The following MALRD1 variants were observed in gnomAD, a reference collection of about 807,000 sequenced individuals.
MALRD1 encodes the protein MAM and LDL-receptor class A domain-containing protein 1.
A neutral mutation model predicts 242.1 loss-of-function variants in MALRD1; 247 were observed. That is an observed-to-expected ratio of 1.02 (90% confidence interval 0.92 to 1.13). MALRD1 has a LOEUF of 1.13. Among genes scored for constraint, MALRD1 ranks in the 50% most tolerant of loss-of-function variants. The pLI, the probability that MALRD1 is intolerant of heterozygous loss-of-function variation, is 0.00. For missense variants in MALRD1, 2,989 were observed against 2,533.1 expected (o/e 1.18, Z -3.86); for synonymous variants, 995 against 866.6 (o/e 1.15, Z -2.60).
At chr10:19,075,395 C>T (rs1218701197) in intron 2 of MALRD1, among the ~76,000 whole-genome samples, 1 of 151,976 alleles carries the variant, frequency 6.6e-6, no homozygotes, top group African/African-American at 2.4e-5. Context: ...CACATGAGCC[C>T]TTAAAAGCAG....
At chr10:19,494,020 G>A (rs963390782) in intron 30 of MALRD1, among the ~76,000 whole-genome samples, 1 of 152,156 alleles carries the variant, frequency 6.6e-6, no homozygotes, top group African/African-American at 2.4e-5. Flanking sequence ...TCAGGTGGAA[G>A]AGGAGCCCAC....
chr10:19,687,861 T>A (rs1297109618), intron 36 of MALRD1, among the ~76,000 whole-genome samples: 2 of 152,210 alleles, frequency 1.3e-5, no homozygotes, highest in Admixed American at 1.3e-4. Context: ...AGAAAATCAC[T>A]GTAACATTTT....
chr10:19,645,143 G>T (rs1363068733), intron 36 of MALRD1, among the ~76,000 whole-genome samples: 1 of 152,086 alleles, frequency 6.6e-6, no homozygotes, highest in Non-Finnish European at 1.5e-5. Context: ...GAAATGGATA[G>T]GACATCAGAG....
chr10:19,244,379 C>A (rs1292854730), intron 18 of MALRD1, among the ~76,000 whole-genome samples: 16 of 151,938 alleles, frequency 1.1e-4, no homozygotes, highest in Non-Finnish European at 2.2e-4. Context: ...TTGAGACCTG[C>A]CTGGGAAAGA....
intron 36 of MALRD1, among the ~76,000 whole-genome samples, chr10:19,682,473 T>C (rs1842413362): frequency 6.6e-6 from 1 of 152,182 alleles, no homozygotes; most frequent in African/African-American, 2.4e-5. Context: ...TTTTCCTTTC[T>C]CCTCTTCATG....
rs566349872 is a variant in MALRD1, at chr10:19,293,210, A to G, written c.3419+10029A>G. 2.6e-5 allele frequency among the ~76,000 whole-genome samples: 4 copies of G among 152,318 alleles called. No individual in the cohort carries two copies. The East Asian group carries it at 7.7e-4, about 30-fold the overall frequency. On this transcript the variant is annotated intron_variant, in intron 21 of 39. Coordinates refer to ENST00000454679, the MANE Select transcript of MALRD1 (RefSeq NM_001142308.3). ...AATGGTTAAATACCAGTCCTTAGAA[A>G]CAGTTTTAGTGCAATAAAAAGCAAG... is the stretch of plus-strand genomic sequence containing the variant.
Position 19,224,080 on chromosome 10 carries a change from G to A in MALRD1, c.2991+14400G>A, listed in dbSNP as rs945471169. Among the ~76,000 whole-genome samples, 7 of 152,026 alleles carry A rather than the reference G, an allele frequency of 4.6e-5. No homozygotes were observed. The East Asian group carries it at 7.7e-4, about 17-fold the overall frequency. On this transcript the variant is annotated intron_variant, in intron 18 of 39. Coordinates refer to ENST00000454679, the MANE Select transcript of MALRD1 (RefSeq NM_001142308.3). ...TGTGTACCTAGTAATGAGATTGTTA[G>A]GTCAAATGGTATTTCTAGTTCTGGA...
At chr10:19,482,805 A>G (rs1487746865) in intron 29 of MALRD1, among the ~76,000 whole-genome samples, 1 of 151,994 alleles carries the variant, frequency 6.6e-6, no homozygotes, top group African/African-American at 2.4e-5. Context: ...TAACACAAAA[A>G]ATGTAAAAAC....
At chr10:19,533,767 G>A (rs1419413316) in intron 32 of MALRD1, among the ~76,000 whole-genome samples, 1 of 152,142 alleles carries the variant, frequency 6.6e-6, no homozygotes, top group Admixed American at 6.5e-5. Flanking sequence ...GCTCCCACCA[G>A]TCCCAACCTC....
chr10:19,204,296 T>A lies in MALRD1; in HGVS notation c.2105-12T>A, dbSNP rs760734484. ...TTAATGAAGCGTTTTTTTTTTTTTT[T>A]TATCTCAACAGGGCATTTTATGTTC... On this transcript the variant is annotated splice_polypyrimidine_tract_variant and intron_variant, in intron 15 of 39. Transcript: ENST00000454679. 57 of 1,491,856 alleles carry A rather than the reference T, an allele frequency of 3.8e-5. No homozygotes were observed. The South Asian group carries it at 5.7e-4, about 15-fold the overall frequency. 92.4% of individuals were successfully genotyped at this position (1,491,856 alleles called of 1,614,324 possible).
At chr10:19,246,728 C>T (rs1308877065) in intron 18 of MALRD1, among the ~76,000 whole-genome samples, 1 of 152,046 alleles carries the variant, frequency 6.6e-6, no homozygotes, top group African/African-American at 2.4e-5. Flanking sequence ...CCAGATAATG[C>T]AGTGAGAATG....
intron 32 of MALRD1, among the ~76,000 whole-genome samples, chr10:19,543,568 T>G (rs894712153): frequency 4.6e-5 from 7 of 151,136 alleles, no homozygotes; most frequent in Admixed American, 6.6e-5. Context: ...GCCACCATAC[T>G]AGGCTTACTC....
intron 33 of MALRD1, among the ~76,000 whole-genome samples, chr10:19,592,765 ACG>A (rs536825872): frequency 0.35 from 50,877 of 143,614 alleles, 9,479 homozygotes; most frequent in South Asian, 0.46. Flanking sequence ...ACACACACGC[ACG>A]CACACACACA....
chr10:19,464,362 G>C (rs1488437071), intron 29 of MALRD1, among the ~76,000 whole-genome samples: 1 of 152,104 alleles, frequency 6.6e-6, no homozygotes, highest in Non-Finnish European at 1.5e-5. Context: ...TTAAGTCCTT[G>C]ATCCATCTTG....
At chr10:19,235,533 G>C (rs1383932042) in intron 18 of MALRD1, among the ~76,000 whole-genome samples, 1 of 146,832 alleles carries the variant, frequency 6.8e-6, no homozygotes, top group Non-Finnish European at 1.5e-5. Flanking sequence ...ACAAAAACCA[G>C]AAGTAAATAA....
chr10:19,565,209 G>C (rs964246766), intron 32 of MALRD1, among the ~76,000 whole-genome samples: 1 of 152,064 alleles, frequency 6.6e-6, no homozygotes, highest in Admixed American at 6.5e-5. Flanking sequence ...ACATTGGGGA[G>C]GGAAAGTCAT....
chr10:19,642,051 T>A (rs1840409871), intron 36 of MALRD1, among the ~76,000 whole-genome samples: 1 of 152,190 alleles, frequency 6.6e-6, no homozygotes, highest in African/African-American at 2.4e-5. Flanking sequence ...AGAAATATCT[T>A]CAAATGATAC....
chr10:19,047,954 A>G (rs1317615600), upstream of MALRD1, among the ~76,000 whole-genome samples: 1 of 152,212 alleles, frequency 6.6e-6, no homozygotes, highest in Non-Finnish European at 1.5e-5. Flanking sequence ...CCCCTTAAGA[A>G]ATCAAATATA....
At chr10:19,689,231 T>C (rs1842724260) in intron 36 of MALRD1, among the ~76,000 whole-genome samples, 1 of 152,024 alleles carries the variant, frequency 6.6e-6, no homozygotes, top group African/African-American at 2.4e-5. Context: ...TATAGATACC[T>C]CTGTGTGTGT....
Sources: gnomAD v4.1 joint callset for allele counts (sites outside exome capture counted in the v4.1 genomes callset) on GRCh38, gnomAD v4.1.1 for gene constraint, MANE v1.5 for transcripts, NCBI Gene and HGNC (gene_info 2026-07-23, HGNC 2026-07-21) for gene names.